Variants in MVB12B observed in about 807,000 individuals in gnomAD.
MVB12B encodes the protein multivesicular body subunit 12B.
Under a neutral mutation model 41.6 loss-of-function variants are expected in MVB12B, and 16 were observed. That is an observed-to-expected ratio of 0.38 (90% CI 0.26 to 0.58). The LOEUF is 0.58. MVB12B is among the 20% of genes least tolerant of loss of function. The probability of loss-of-function intolerance (pLI) is 0.62; values close to 1 mark genes in which losing one functional copy is unlikely to be tolerated. For missense variants in MVB12B, 274 were observed against 380.2 expected, an observed-to-expected ratio of 0.72 and a Z score of 2.32; for synonymous variants, 133 against 139.7, an observed-to-expected ratio of 0.95 and a Z score of 0.34.
Position 126,473,301 on chromosome 9 carries a change from C to G in MVB12B, c.758-8068C>G, listed in dbSNP as rs186535324. 2.6e-5 allele frequency among the ~76,000 whole-genome samples: 4 copies of G among 152,184 alleles called. No individual in the cohort carries two copies. The highest frequency in any genetic ancestry group is 9.7e-5 in the African/African-American group (4 of 41,448). On this transcript the variant is annotated intron_variant, in intron 7 of 9. Transcript: ENST00000361171. This position sits in a 1 kb window ranked among gnomAD's most constrained non-coding sequence, Gnocchi z 4.0. ...CCCAGCCCCTCCTTCCCTGCCATAGCCCCCCATAGCCCCAGAGCAGGTTAC... is the reference window on the plus strand; with the variant it reads ...CCCAGCCCCTCCTTCCCTGCCATAGGCCCCCATAGCCCCAGAGCAGGTTAC...
intron 7 of MVB12B, among the ~76,000 whole-genome samples, chr9:126,427,454 G>A (rs1484960784): frequency 3.3e-5 from 5 of 152,106 alleles, no homozygotes; most frequent in Non-Finnish European, 7.4e-5. Context: ...GCACAGTGCG[G>A]CTTTTCTAAC....
intron 6 of MVB12B, among the ~76,000 whole-genome samples, chr9:126,407,457 C>G (rs1456423118): frequency 2.0e-5 from 3 of 152,196 alleles, no homozygotes; most frequent in Admixed American, 6.5e-5. Flanking sequence ...TTCTTCAATT[C>G]TAAATTTCAG....
At chr9:126,368,743 G>T (rs1224404574) in intron 2 of MVB12B, among the ~76,000 whole-genome samples, 1 of 152,104 alleles carries the variant, frequency 6.6e-6, no homozygotes, top group African/African-American at 2.4e-5. Flanking sequence ...AGGAATAGAA[G>T]AATATCTTTT....
At chr9:126,383,232 G>T (rs1396381272) in intron 3 of MVB12B, among the ~76,000 whole-genome samples, 1 of 152,154 alleles carries the variant, frequency 6.6e-6, no homozygotes, top group South Asian at 2.1e-4. Context: ...GGGATGTGGG[G>T]TCTCAAGACT....
At chr9:126,384,790 C>G (rs1313022091) in intron 3 of MVB12B, among the ~76,000 whole-genome samples, 1 of 151,374 alleles carries the variant, frequency 6.6e-6, no homozygotes, top group Non-Finnish European at 1.5e-5. Context: ...GCCTCGGCCT[C>G]CCAAAGTGCT....
At chr9:126,450,795 A>G (rs1832874184) in intron 7 of MVB12B, among the ~76,000 whole-genome samples, 1 of 152,228 alleles carries the variant, frequency 6.6e-6, no homozygotes, top group Non-Finnish European at 1.5e-5. Context: ...GAGAGCTGGG[A>G]TTCCGGCTCA....
chr9:126,374,894 T>G (rs1830437225), intron 2 of MVB12B, among the ~76,000 whole-genome samples: 1 of 152,214 alleles, frequency 6.6e-6, no homozygotes, highest in Non-Finnish European at 1.5e-5. Context: ...AAAATTTGCT[T>G]TTACTTTAAC....
intron 6 of MVB12B, among the ~76,000 whole-genome samples, chr9:126,407,740 A>C (rs1239841821): frequency 1.3e-5 from 2 of 152,100 alleles, no homozygotes; most frequent in African/African-American, 4.8e-5. Context: ...ATTACCAAAG[A>C]CCGTGTTGTA....
chr9:126,484,068 G>A, intron 9 of MVB12B, 36 bp downstream of exon 9: 11 of 1,599,662 alleles, frequency 6.9e-6, no homozygotes, highest in Non-Finnish European at 9.4e-6. Flanking sequence ...GGGCAGGCCT[G>A]GGCCATCGCC....
intron 2 of MVB12B, among the ~76,000 whole-genome samples, chr9:126,352,309 T>C (rs140402233): frequency 4.7e-4 from 71 of 152,314 alleles, no homozygotes; most frequent in Middle Eastern, 3.4e-3. Context: ...TTAGTATTAA[T>C]TATTTTTTAG....
chr9:126,406,575 T>C (rs1346504858), intron 6 of MVB12B, among the ~76,000 whole-genome samples: 1 of 152,242 alleles, frequency 6.6e-6, no homozygotes, highest in Non-Finnish European at 1.5e-5. Flanking sequence ...TGCCCATATG[T>C]TCCTTGTTTT....
At chr9:126,474,134 C>T (rs1336385897) in intron 7 of MVB12B, among the ~76,000 whole-genome samples, 1 of 152,168 alleles carries the variant, frequency 6.6e-6, no homozygotes, top group African/African-American at 2.4e-5. Context: ...GGATGAAGCC[C>T]CATCCAAGCC....
At chr9:126,496,529 T>G (rs528235775) in intron 9 of MVB12B, among the ~76,000 whole-genome samples, 3 of 141,074 alleles carry the variant, frequency 2.1e-5, no homozygotes, top group African/African-American at 8.0e-5. Context: ...GAGCTACAGC[T>G]GAGGCTCCAC....
chr9:126,329,103 G>A (rs557315827), intron 1 of MVB12B, among the ~76,000 whole-genome samples: 2 of 152,228 alleles, frequency 1.3e-5, no homozygotes, highest in Admixed American at 1.3e-4. Context: ...TCTTCAACGG[G>A]ACAACCAGGA....
chr9:126,369,133 A>G (rs557614371), intron 2 of MVB12B, among the ~76,000 whole-genome samples: 1 of 152,288 alleles, frequency 6.6e-6, no homozygotes, highest in Admixed American at 6.5e-5. Context: ...ACGTTGTTGG[A>G]TTTAGCAAAT....
At chr9:126,337,583 T>G (rs1224363196) in intron 1 of MVB12B, among the ~76,000 whole-genome samples, 1 of 152,114 alleles carries the variant, frequency 6.6e-6, no homozygotes, top group Non-Finnish European at 1.5e-5. Context: ...AGACCAGACC[T>G]AGGGAGGAAG....
chr9:126,417,482 G>T (rs59763032), intron 6 of MVB12B, among the ~76,000 whole-genome samples: 36,683 of 151,930 alleles, frequency 0.24, 4,606 homozygotes, highest in South Asian at 0.27. Flanking sequence ...TGAGATTCAG[G>T]GTATAAAACA....
chr9:126,383,728 G>A (rs1830695988), intron 3 of MVB12B, among the ~76,000 whole-genome samples: 2 of 152,072 alleles, frequency 1.3e-5, no homozygotes, highest in Admixed American at 6.5e-5. Context: ...AAAATTAATG[G>A]TGTCGCAGAC....
At chr9:126,458,891 G>A (rs773314269) in intron 7 of MVB12B, among the ~76,000 whole-genome samples, 2 of 152,222 alleles carry the variant, frequency 1.3e-5, no homozygotes, top group Non-Finnish European at 2.9e-5. Flanking sequence ...GTTAGGTAGG[G>A]AGAGAGACCG....
Sources: gnomAD v4.1 joint callset for allele counts (sites outside exome capture counted in the v4.1 genomes callset) on GRCh38, gnomAD v4.1.1 for gene constraint, Gnocchi (gnomAD v3.1) non-coding constraint, MANE v1.5 for transcripts, NCBI Gene and HGNC (gene_info 2026-07-23, HGNC 2026-07-21) for gene names.